PCSK2: variants seen among roughly 807,000 people sequenced by gnomAD.
PCSK2 encodes the protein proprotein convertase subtilisin/kexin type 2, also known as neuroendocrine convertase 2.
Under a neutral mutation model 69.7 loss-of-function variants are expected in PCSK2, and 14 were observed. The ratio of observed to expected loss-of-function variants is 0.20; its 90% CI spans 0.13 to 0.31. PCSK2 has a LOEUF of 0.31. PCSK2 is among the 10% of genes least tolerant of loss of function. The pLI is 1.00. For missense variants in PCSK2, 544 were observed against 842.5 expected, an observed-to-expected ratio of 0.65 and a Z score of 4.39; for synonymous variants, 307 against 320.7, an observed-to-expected ratio of 0.96 and a Z score of 0.46.
chr20:17,319,228 C>T (rs1324687641), intron 2 of PCSK2, among the ~76,000 whole-genome samples: 1 of 152,144 alleles, frequency 6.6e-6, no homozygotes, highest in Non-Finnish European at 1.5e-5. Flanking sequence ...TTAGCTTTGG[C>T]TATGTAACAA....
intron 2 of PCSK2, among the ~76,000 whole-genome samples, chr20:17,273,650 G>A (rs1451396536): frequency 2.6e-5 from 4 of 152,112 alleles, no homozygotes; most frequent in Non-Finnish European, 4.4e-5. Context: ...ACTGTGTTAC[G>A]CTGGAGTCCT....
intron 1 of PCSK2, among the ~76,000 whole-genome samples, chr20:17,245,539 T>G (rs1201646251): frequency 1.3e-5 from 2 of 152,220 alleles, no homozygotes; most frequent in Non-Finnish European, 2.9e-5. Context: ...AGTAGTTAAC[T>G]TCTTCTCTTG....
At position 17,482,095 on chromosome 20, in the gene PCSK2, G is replaced by T. The variant is rs762441190; in HGVS notation, c.*25G>T. ...GCGCTGCACATCCGCCTTTCCCACC[G>T]CCCTCCCTCCCCAGCTCCGCCTCTG... is the stretch of plus-strand genomic sequence containing the variant. On this transcript the variant is annotated 3_prime_UTR_variant, in exon 12 of 12. Coordinates refer to ENST00000262545, the MANE Select transcript of PCSK2 (RefSeq NM_002594.5). The T allele has an allele frequency of 6.5e-7, 1 of 1,528,858 alleles. No homozygotes were observed. The highest frequency in any genetic ancestry group is 1.3e-5 in the South Asian group (1 of 77,240). The allele number at this position is 1,528,858 out of a possible 1,614,324, so 94.7% of individuals were successfully genotyped here.
chr20:17,296,576 T>A (rs1033977775), intron 2 of PCSK2, among the ~76,000 whole-genome samples: 1 of 152,166 alleles, frequency 6.6e-6, no homozygotes, highest in Non-Finnish European at 1.5e-5. Context: ...CTGTTGCATA[T>A]TTTATCCTAA....
At chr20:17,480,095 T>G (rs1459398991) in intron 11 of PCSK2, among the ~76,000 whole-genome samples, 1 of 151,360 alleles carries the variant, frequency 6.6e-6, no homozygotes, top group Non-Finnish European at 1.5e-5. Flanking sequence ...TTAACCTCGC[T>G]CCAACTCTCG....
At chr20:17,396,155 G>A (rs972159200) in intron 5 of PCSK2, among the ~76,000 whole-genome samples, 2 of 152,198 alleles carry the variant, frequency 1.3e-5, no homozygotes, top group Non-Finnish European at 2.9e-5. Context: ...TTTAGACTCT[G>A]GCTGCTACAT....
At chr20:17,284,213 G>T (rs1027142414) in intron 2 of PCSK2, among the ~76,000 whole-genome samples, 3 of 152,156 alleles carry the variant, frequency 2.0e-5, no homozygotes, top group African/African-American at 7.2e-5. Context: ...AGAGATGGAG[G>T]TTTATGGAGC....
intron 2 of PCSK2, among the ~76,000 whole-genome samples, chr20:17,328,754 A>G (rs1568605382): frequency 3.9e-5 from 6 of 152,246 alleles, no homozygotes; most frequent in Admixed American, 2.6e-4. Flanking sequence ...TTGGCTAACA[A>G]CACACAGTCA....
At chr20:17,354,311 C>T (rs746671071) in intron 2 of PCSK2, among the ~76,000 whole-genome samples, 6 of 152,128 alleles carry the variant, frequency 3.9e-5, no homozygotes, top group African/African-American at 7.2e-5. Flanking sequence ...GTGAACTATA[C>T]GTTATTTTCT....
intron 2 of PCSK2, 51 bp from the exon 3 acceptor site, chr20:17,358,276 G>A (rs370497588): frequency 9.1e-7 from 1 of 1,101,926 alleles, no homozygotes; most frequent in Non-Finnish European, 1.4e-6. Context: ...AATTCCAGAA[G>A]ACAGAATGTT....
At chr20:17,353,381 C>T (rs1230031197) in intron 2 of PCSK2, among the ~76,000 whole-genome samples, 2 of 150,476 alleles carry the variant, frequency 1.3e-5, no homozygotes, top group African/African-American at 2.5e-5. Flanking sequence ...AGGAGAATCG[C>T]TTGAACCCGG....
chr20:17,422,303 TC>T (rs1367952628), intron 6 of PCSK2, among the ~76,000 whole-genome samples: 2 of 152,122 alleles, frequency 1.3e-5, no homozygotes, highest in Admixed American at 6.5e-5. Flanking sequence ...CTCCCTATCA[TC>T]CCTTTAATTC....
chr20:17,466,693 T>C (rs1271592020), intron 11 of PCSK2, among the ~76,000 whole-genome samples: 1 of 152,242 alleles, frequency 6.6e-6, no homozygotes, highest in East Asian at 1.9e-4. Flanking sequence ...TGTCATCAAA[T>C]ACACAGAACT....
chr20:17,319,884 A>G (rs1346805176), intron 2 of PCSK2, among the ~76,000 whole-genome samples: 2 of 152,232 alleles, frequency 1.3e-5, no homozygotes, highest in Non-Finnish European at 1.5e-5. Flanking sequence ...CCAAAGTCAC[A>G]TGACTAACTC....
rs951362032 is a variant in PCSK2, at chr20:17,484,512, A to C, written c.*2442A>C. On this transcript the variant is annotated 3_prime_UTR_variant, in exon 12 of 12. Coordinates refer to ENST00000262545, the MANE Select transcript of PCSK2 (RefSeq NM_002594.5). Reference sequence around the variant, plus strand: ...TTGTTGCTCCCTGTGACAAAATTTTATAAGCAAATTTCAAAAGACATGTTG... The same window carrying C: ...TTGTTGCTCCCTGTGACAAAATTTTCTAAGCAAATTTCAAAAGACATGTTG... 1.3e-5 allele frequency: 2 copies of C among 152,548 alleles called. No homozygotes were observed. The highest frequency in any genetic ancestry group is 2.9e-5 in the Non-Finnish European group (2 of 68,006). The allele number at this position is 152,548 out of a possible 1,614,324, so 9.4% of individuals were successfully genotyped here. A position where few individuals can be genotyped will look rare whatever the true frequency, so the allele number is the denominator to read the frequency against.
At chr20:17,342,358 C>T (rs141713801) in intron 2 of PCSK2, among the ~76,000 whole-genome samples, 1 of 152,324 alleles carries the variant, frequency 6.6e-6, no homozygotes, top group East Asian at 1.9e-4. Flanking sequence ...TTCTCTGTCA[C>T]CCAGACTGGA....
chr20:17,427,907 T>C (rs1568645045), intron 6 of PCSK2, among the ~76,000 whole-genome samples: 1 of 152,210 alleles, frequency 6.6e-6, no homozygotes, highest in Non-Finnish European at 1.5e-5. Flanking sequence ...AAAAGCCACA[T>C]GGTCTCCTGA....
intron 7 of PCSK2, among the ~76,000 whole-genome samples, chr20:17,434,254 TCTCTCACTCGGTCTA>T (rs1445387436): frequency 2.0e-5 from 3 of 151,824 alleles, no homozygotes; most frequent in Non-Finnish European, 4.4e-5. Flanking sequence ...TCTCTCCCTC[TCTCTCACTCGGTCTA>T]CTCTCTGTCT....
intron 8 of PCSK2, among the ~76,000 whole-genome samples, chr20:17,438,015 ACT>A (rs1329014568): frequency 7.1e-6 from 1 of 141,236 alleles, no homozygotes; most frequent in East Asian, 2.2e-4. Flanking sequence ...CTCCCAGAGG[ACT>A]CTCTGTAATC....
Sources: allele counts gnomAD v4.1 joint callset (sites outside exome capture counted in the v4.1 genomes callset), GRCh38; gene constraint gnomAD v4.1.1; transcripts MANE v1.5; gene names NCBI Gene and HGNC (gene_info 2026-07-23, HGNC 2026-07-21).